SLC18A1: variants seen among roughly 807,000 people sequenced by gnomAD.
SLC18A1 encodes the protein solute carrier family 18 member A1, also known as chromaffin granule amine transporter.
SLC18A1 carries 69 observed loss-of-function variants against 53.7 expected under a neutral mutation model. The observed-to-expected ratio is 1.28, with a 90% confidence interval of 1.06 to 1.57. The LOEUF is 1.57. Ranked by LOEUF, SLC18A1 falls within the 40% of genes most tolerant of loss-of-function variation. SLC18A1 has a pLI of 0.00. For synonymous variants in SLC18A1, 320 were observed against 248.1 expected (o/e 1.29, Z -2.72); for missense variants, 932 against 668.1 (o/e 1.40, Z -4.35).
At chr8:20,167,266 T>C (rs1298207554) in intron 8 of SLC18A1, among the ~76,000 whole-genome samples, 1 of 152,188 alleles carries the variant, frequency 6.6e-6, no homozygotes, top group African/African-American at 2.4e-5. Flanking sequence ...GCTATATTCA[T>C]TAAGTCTAAG....
At chr8:20,147,432 T>C in intron 14 of SLC18A1, 41 bp from the exon 15 acceptor site, 1 of 1,588,042 alleles carries the variant, frequency 6.3e-7, no homozygotes, top group Non-Finnish European at 8.6e-7. Context: ...CTATGGAGCC[T>C]CCATATGGAG....
At chr8:20,147,932 A>T in intron 13 of SLC18A1, 75 bp downstream of exon 13, 4 of 1,530,406 alleles carry the variant, frequency 2.6e-6, no homozygotes, top group Non-Finnish European at 3.6e-6. Context: ...CTCTGATGAG[A>T]AAAGGGGGAG....
At chr8:20,179,506 T>C (rs2270638) in intron 2 of SLC18A1, 22 bp from the exon 3 acceptor site, 549,505 of 1,592,252 alleles carry the variant, frequency 0.35, 98,844 homozygotes, top group Middle Eastern at 0.39. Context: ...AGAGGACAGG[T>C]GATGGGGGCT....
intron 4 of SLC18A1, among the ~76,000 whole-genome samples, chr8:20,177,053 T>C (rs1266813116): frequency 6.6e-6 from 1 of 152,168 alleles, no homozygotes; most frequent in Non-Finnish European, 1.5e-5. Flanking sequence ...CTGCATAAAG[T>C]TGTTTGGAAT....
Position 20,147,697 on chromosome 8 carries a change from G to A in SLC18A1, c.1236C>T (p.Pro412=). The A allele has an allele frequency of 6.2e-7, 1 of 1,613,656 alleles. No homozygotes were observed. Among genetic ancestry groups the A allele is most frequent in the Non-Finnish European group, 8.5e-7 (1 of 1,179,878 alleles). The change falls in exon 14 of 16, where the codon CCC becomes CCT. Residue 412 remains proline (P), a synonymous_variant. Transcript: ENST00000276373. ...AIGMVDSSMM[P]IMGHLVDLRH... ...GTAGATCCACCAGGTGCCCCATGAT[G>A]GGCATCATAGAAGAATCCACCATGC...
Position 20,165,107 on chromosome 8 carries a change from T to A in SLC18A1, c.859A>T (p.Ser287Cys). Residue 287 changes from serine to cysteine, a missense_variant and splice_region_variant, in exon 9 of 16, where the codon AGT becomes TGT. Coordinates refer to ENST00000276373, the MANE Select transcript of SLC18A1 (RefSeq NM_003053.4). ...ILQPSKVSPE[S>C]AKGTPLFMLL... ...ATAAAGAGGGGAGTCCCCTTGGCAC[T>A]CTGAGAACATGGATAACAAAAAATG... The A allele has an allele frequency of 6.2e-7, 1 of 1,613,834 alleles. No homozygotes were observed. The highest frequency in any genetic ancestry group is 8.5e-7 in the Non-Finnish European group (1 of 1,179,696).
intron 10 of SLC18A1, among the ~76,000 whole-genome samples, chr8:20,159,643 AAAAAAAAAAAAAAAAAAAAAG>A (rs1163060341): frequency 1.5e-5 from 1 of 66,654 alleles, no homozygotes; most frequent in Non-Finnish European, 2.8e-5. Flanking sequence ...CCAAAAAAAA[AAAAAAAAAAAAAAAAAAAAAG>A]AAAGAAAAAG....
In SLC18A1 at chr8:20,180,835, A is replaced by C; in HGVS notation, c.124+6T>G. On this transcript the variant is annotated splice_donor_region_variant and intron_variant, in intron 2 of 15. Transcript: ENST00000276373. ...TAACCCTCAGCACAAAGACCCACAA[A>C]CGTACCCACCACAGTAAACAGCATG... 1 of 1,613,710 alleles carries C rather than the reference A, an allele frequency of 6.2e-7. No homozygotes were observed. Among genetic ancestry groups the C allele is most frequent in the Non-Finnish European group, 8.5e-7 (1 of 1,179,758 alleles).
chr8:20,148,628 C>T (rs972549424), intron 12 of SLC18A1: 5 of 449,896 alleles, frequency 1.1e-5, no homozygotes, highest in African/African-American at 1.0e-4. Context: ...AGACTCATTC[C>T]CATTGCCCTC....
intron 10 of SLC18A1, among the ~76,000 whole-genome samples, chr8:20,164,080 A>T (rs2128873993): frequency 1.3e-5 from 2 of 152,224 alleles, no homozygotes; most frequent in Admixed American, 1.3e-4. Context: ...GCCCCCCCAA[A>T]ATTAGATTTA....
At chr8:20,171,546 A>C in intron 6 of SLC18A1, 52 bp from the exon 7 acceptor site, 1 of 1,397,772 alleles carries the variant, frequency 7.2e-7, no homozygotes, top group Non-Finnish European at 1.0e-6. Flanking sequence ...AGTCCTTTGC[A>C]GTGAGAATTA....
intron 10 of SLC18A1, among the ~76,000 whole-genome samples, chr8:20,161,763 C>G (rs970000139): frequency 6.6e-6 from 1 of 152,142 alleles, no homozygotes; most frequent in African/African-American, 2.4e-5. Context: ...GAATAATTGC[C>G]TTTGACTCCA....
intron 3 of SLC18A1, 35 bp from the exon 4 acceptor site, chr8:20,178,528 C>A (rs1213243077): frequency 2.6e-6 from 4 of 1,511,856 alleles, no homozygotes; most frequent in Admixed American, 3.7e-5. Context: ...AGATACAATT[C>A]CAACAGGCAC....
At position 20,150,420 on chromosome 8, in the gene SLC18A1, T is replaced by G. The variant is rs376409338; in HGVS notation, c.1094+246A>C. Among the ~76,000 whole-genome samples, 9 of 152,302 alleles carry G rather than the reference T, an allele frequency of 5.9e-5. No homozygotes were observed. The South Asian group carries it at 1.9e-3, about 32-fold the overall frequency. On this transcript the variant is annotated intron_variant, in intron 11 of 15. Coordinates refer to ENST00000276373, the MANE Select transcript of SLC18A1 (RefSeq NM_003053.4). ...AACTGGACAGCAAATGGATGGAAAG[T>G]AAGGGGTGCCCCTCATGTATCCACT...
intron 14 of SLC18A1, 49 bp downstream of exon 14, chr8:20,147,554 G>T: frequency 1.2e-6 from 2 of 1,608,160 alleles, no homozygotes; most frequent in East Asian, 4.5e-5. Context: ...ACTTCCAGCT[G>T]GTAAAGAGTA....
intron 10 of SLC18A1, among the ~76,000 whole-genome samples, chr8:20,153,551 A>T (rs556726009): frequency 6.6e-6 from 1 of 152,096 alleles, no homozygotes; most frequent in Admixed American, 6.5e-5. Context: ...GGTGGCAGGT[A>T]CCTGTAGTCC....
intron 11 of SLC18A1, among the ~76,000 whole-genome samples, chr8:20,150,402 C>A (rs2071519331): frequency 6.6e-6 from 1 of 152,166 alleles, no homozygotes; most frequent in African/African-American, 2.4e-5. Flanking sequence ...CTCAACTGGA[C>A]AGCAAATGGA....
rs1217386506 is a variant in SLC18A1 at position 20,174,413 on chromosome 8, G to A, written c.579C>T (p.Leu193=). 1.2e-6 allele frequency: 2 copies of A among 1,613,920 alleles called. No individual in the cohort carries two copies. Among genetic ancestry groups the A allele is most frequent in the Non-Finnish European group, 1.7e-6 (2 of 1,179,942 alleles). Residue 193 remains leucine, a synonymous_variant, in exon 5 of 16, where the codon CTC becomes CTT. Transcript: ENST00000276373. ...MFAFSGTYTL[L]FVARTLQGIG... ...TGCCTTGAAGGGTTCGGGCCACAAA[G>A]AGTAGAGTATAGGTCCCAGAAAAAG...
At chr8:20,150,624 C>T in intron 11 of SLC18A1, 42 bp downstream of exon 11, 3 of 1,547,428 alleles carry the variant, frequency 1.9e-6, no homozygotes, top group African/African-American at 1.4e-5. Flanking sequence ...GCTCTTCCAT[C>T]TTACATTTCT....
Sources: gnomAD v4.1 joint callset for allele counts (sites outside exome capture counted in the v4.1 genomes callset) on GRCh38, gnomAD v4.1.1 for gene constraint, MANE v1.5 for transcripts, NCBI Gene and HGNC (gene_info 2026-07-23, HGNC 2026-07-21) for gene names.